HACE1: variants seen among roughly 807,000 people sequenced by gnomAD.
HACE1 encodes the protein E3 ubiquitin-protein ligase HACE1.
Under a neutral mutation model 118.4 loss-of-function variants are expected in HACE1, and 73 were observed. The ratio of observed to expected loss-of-function variants is 0.62; its 90% CI spans 0.51 to 0.75. The LOEUF is 0.75. Among genes scored for constraint, HACE1 ranks in the 30% least tolerant of loss-of-function variants. The probability of loss-of-function intolerance (pLI) is 0.00; values close to 1 mark genes in which losing one functional copy is unlikely to be tolerated. For missense variants in HACE1, 749 were observed against 1,102.2 expected (o/e 0.68, Z 4.54); for synonymous variants, 368 against 374.8 (o/e 0.98, Z 0.21).
intron 11 of HACE1, among the ~76,000 whole-genome samples, chr6:104,788,102 C>G (rs1053404761): frequency 6.6e-6 from 1 of 152,008 alleles, no homozygotes; most frequent in Admixed American, 6.6e-5. Context: ...ACTATGGTAG[C>G]AGCCACCAAC....
chr6:104,767,773 T>C (rs1321104520), intron 19 of HACE1, among the ~76,000 whole-genome samples: 3 of 152,174 alleles, frequency 2.0e-5, no homozygotes, highest in Admixed American at 6.6e-5. Flanking sequence ...TGTGCCTTCC[T>C]GTAAGCCCAG....
intron 5 of HACE1, among the ~76,000 whole-genome samples, chr6:104,839,148 G>T (rs1774844745): frequency 6.6e-6 from 1 of 152,138 alleles, no homozygotes; most frequent in South Asian, 2.1e-4. Context: ...ATATGTTGTT[G>T]GTGGGAATGT....
chr6:104,850,531 T>C (rs1472604498), intron 3 of HACE1, among the ~76,000 whole-genome samples: 1 of 152,156 alleles, frequency 6.6e-6, no homozygotes, highest in East Asian at 1.9e-4. Flanking sequence ...TAGATAAAAA[T>C]CATTCTCCAC....
intron 6 of HACE1, among the ~76,000 whole-genome samples, chr6:104,820,186 C>T (rs1006050597): frequency 7.0e-6 from 1 of 143,688 alleles, no homozygotes; most frequent in African/African-American, 2.6e-5. Flanking sequence ...CAGAGTGAGA[C>T]TCCGTCTCAA....
intron 6 of HACE1, among the ~76,000 whole-genome samples, chr6:104,815,285 G>A (rs1772000041): frequency 7.2e-6 from 1 of 138,094 alleles, no homozygotes; most frequent in Non-Finnish European, 1.6e-5. Flanking sequence ...TTAGCAAAAA[G>A]AAACTGGAAG....
intron 19 of HACE1, among the ~76,000 whole-genome samples, chr6:104,756,294 C>T (rs1261528179): frequency 1.3e-5 from 2 of 151,492 alleles, no homozygotes; most frequent in Non-Finnish European, 2.9e-5. Context: ...TGCCTGTAGT[C>T]TCAGCTACTC....
At chr6:104,768,359 G>A (rs6937200) in intron 19 of HACE1, among the ~76,000 whole-genome samples, 2 of 151,700 alleles carry the variant, frequency 1.3e-5, no homozygotes, top group Non-Finnish European at 2.9e-5. Context: ...GTTCATAACA[G>A]AATGTATAAG....
At position 104,795,643 on chromosome 6, in the gene HACE1, G is replaced by A; in HGVS notation, c.859C>T (p.Gln287Ter). 1 of 1,613,256 alleles carries A rather than the reference G, an allele frequency of 6.2e-7. No homozygotes were observed. The highest frequency in any genetic ancestry group is 8.5e-7 in the Non-Finnish European group (1 of 1,179,340). Residue 287 changes from glutamine (Q) to a stop codon, truncating the protein, a stop_gained, in exon 10 of 24, where the codon CAG (glutamine) becomes TAG (stop). Transcript: ENST00000262903. LOFTEE classifies it high-confidence loss of function. ...AGGCTTGTTAGAATCTTTAGGTACT[G>A]GCTTTCACTTTGCTGAGACAAATGC... ...LEHLSQQSES[Q>*]YLKILTSLAE...
At chr6:104,822,094 C>T (rs979399354) in intron 6 of HACE1, among the ~76,000 whole-genome samples, 6 of 149,934 alleles carry the variant, frequency 4.0e-5, no homozygotes, top group Non-Finnish European at 8.8e-5. Context: ...GTGGGCCGGG[C>T]GCGGTGGCTC....
In HACE1 at chr6:104,843,309, A is replaced by G. The variant is rs1775292235; in HGVS notation, c.327-11T>C. The G allele has an allele frequency of 1.5e-6, 2 of 1,303,896 alleles. No individual in the cohort carries two copies. The highest frequency in any genetic ancestry group is 4.6e-5 in the East Asian group (2 of 43,382). The allele number at this position is 1,303,896 out of a possible 1,614,324, so 80.8% of individuals were successfully genotyped here. A position where few individuals can be genotyped will look rare whatever the true frequency, so the allele number is the denominator to read the frequency against. ...ATACATTTCTTCTGCCTGAAAAGAAAAAAGAGTCATGGATAACTGGTACTT... is the reference window on the plus strand; with the variant it reads ...ATACATTTCTTCTGCCTGAAAAGAAGAAAGAGTCATGGATAACTGGTACTT... On this transcript the variant is annotated splice_polypyrimidine_tract_variant and intron_variant, in intron 4 of 23. Transcript: ENST00000262903.
At chr6:104,746,944 C>A (rs1185613809) in intron 20 of HACE1, among the ~76,000 whole-genome samples, 1 of 151,932 alleles carries the variant, frequency 6.6e-6, no homozygotes, top group Non-Finnish European at 1.5e-5. Context: ...ACATTATATT[C>A]TCTCAAGAAA....
At chr6:104,745,672 A>G (rs1777346005) in intron 20 of HACE1, among the ~76,000 whole-genome samples, 1 of 151,512 alleles carries the variant, frequency 6.6e-6, no homozygotes. Flanking sequence ...CAATCTCCTG[A>G]CCTTGTGATC....
At position 104,791,556 on chromosome 6, in the gene HACE1, C is replaced by T. The variant is rs903964403; in HGVS notation, c.1022G>A (p.Gly341Glu). 1.2e-6 allele frequency: 2 copies of T among 1,612,724 alleles called. No homozygotes were observed. The highest frequency in any genetic ancestry group is 1.3e-5 in the African/African-American group (1 of 74,878). The change falls in exon 11 of 24, where the codon GGA (glycine) becomes GAA (glutamate). Residue 341 changes from glycine to glutamate, a missense_variant. Physicochemically the swap from Gly to Glu is moderately conservative, Grantham distance 98 (BLOSUM62 -2). Around this residue, in one of 5 missense-constraint regions of HACE1, gnomAD observed 267 missense variants for 312.2 expected, o/e 0.86. Coordinates refer to ENST00000262903, the MANE Select transcript of HACE1 (RefSeq NM_020771.4). ...ATTCCCATTGTAGCCCATATCAATT[C>T]CATTACTGGGGGAGGATGGACCAAT... The part of the protein sequence containing the change: ...FRIGPSSPSN[G>E]IDMGYNGNKT...
At chr6:104,778,375 A>AAT (rs201907057) in intron 14 of HACE1, among the ~76,000 whole-genome samples, 10,010 of 150,990 alleles carry the variant, frequency 0.066, 351 homozygotes, top group African/African-American at 0.083. Flanking sequence ...AGAGTAACAC[A>AAT]ATATATATAT....
At chr6:104,828,407 C>T (rs1773539106) in intron 6 of HACE1, among the ~76,000 whole-genome samples, 1 of 151,878 alleles carries the variant, frequency 6.6e-6, no homozygotes, top group Admixed American at 6.6e-5. Flanking sequence ...ATTATATCAC[C>T]AGTAAAATTA....
At chr6:104,833,578 T>A (rs1217160287) in intron 5 of HACE1, among the ~76,000 whole-genome samples, 1 of 152,166 alleles carries the variant, frequency 6.6e-6, no homozygotes, top group African/African-American at 2.4e-5. Flanking sequence ...AAGTGGTGAC[T>A]CACGTTTGTA....
rs180971906 is a variant in HACE1 at position 104,799,249 on chromosome 6, T to C, written c.618-2224A>G. 1.3e-4 allele frequency among the ~76,000 whole-genome samples: 20 copies of C among 152,350 alleles called. No individual in the cohort carries two copies. The East Asian group carries it at 3.9e-3, about 29-fold the overall frequency. On this transcript the variant is annotated intron_variant, in intron 7 of 23. Transcript: ENST00000262903. The stretch of plus-strand genomic sequence containing the variant: ...CTGTCACTATACTTTTGAGTTCCTC[T>C]GTAACAAACTTCAACCTAACTTGGG...
intron 13 of HACE1, 36 bp from the exon 14 acceptor site, chr6:104,784,209 G>T (rs1486312924): frequency 2.6e-6 from 3 of 1,167,002 alleles, no homozygotes; most frequent in African/African-American, 1.5e-5. Context: ...TGGACAGGAA[G>T]AATGAGTAGC....
intron 3 of HACE1, among the ~76,000 whole-genome samples, chr6:104,849,547 T>C (rs1775981448): frequency 6.6e-6 from 1 of 151,710 alleles, no homozygotes; most frequent in African/African-American, 2.4e-5. Flanking sequence ...CTCATTATGT[T>C]GCCCAGGCTG....
Sources: allele counts gnomAD v4.1 joint callset (sites outside exome capture counted in the v4.1 genomes callset), GRCh38; gene constraint gnomAD v4.1.1; regional missense constraint gnomAD v4.1.1; transcripts MANE v1.5; gene names NCBI Gene and HGNC (gene_info 2026-07-23, HGNC 2026-07-21).